CD8A: variants seen among roughly 807,000 people sequenced by gnomAD.
The protein encoded by CD8A is T-cell surface glycoprotein CD8 alpha chain.
Under a neutral mutation model 24.2 loss-of-function variants are expected in CD8A, and 25 were observed. The observed-to-expected ratio is 1.03, with a 90% CI of 0.75 to 1.44. CD8A has a LOEUF of 1.44. Ranked by LOEUF, CD8A falls within the 40% of genes most tolerant of loss-of-function variation. The pLI is 0.00. For synonymous variants in CD8A, 165 were observed against 149.9 expected (o/e 1.10, Z -0.74); for missense variants, 360 against 319.7 (o/e 1.13, Z -0.96).
upstream of CD8A, chr2:86,791,270 C>T: frequency 5.4e-6 from 2 of 370,914 alleles, no homozygotes; most frequent in South Asian, 4.2e-5. Context: ...GTCTCTTGTA[C>T]TGTCACCTTG....
upstream of CD8A, chr2:86,791,648 C>G (rs1009648135): frequency 1.8e-5 from 8 of 454,076 alleles, no homozygotes; most frequent in Non-Finnish European, 3.5e-5. Context: ...ACTGCTGCAG[C>G]CTCCCATGGC....
At position 86,790,575 on chromosome 2, in the gene CD8A, C is replaced by G; in HGVS notation, c.156G>C (p.Ser52=). 1 of 1,612,786 alleles carries G rather than the reference C, an allele frequency of 6.2e-7. No individual in the cohort carries two copies. The highest frequency in any genetic ancestry group is 8.5e-7 in the Non-Finnish European group (1 of 1,179,896). Residue 52 remains serine, a synonymous_variant, in exon 2 of 6, where the codon TCG becomes TCC. Coordinates refer to ENST00000283635, the MANE Select transcript of CD8A (RefSeq NM_001768.7). ...KCQVLLSNPT[S]GCSWLFQPRG... ...GCGGCTGGAAGAGCCACGAGCAGCC[C>G]GACGTCGGGTTGGACAGCAGCACCT...
chr2:86,790,578 C>G lies in CD8A; in HGVS notation c.153G>C (p.Thr51=). 1 of 1,612,604 alleles carries G rather than the reference C, an allele frequency of 6.2e-7. No homozygotes were observed. Among genetic ancestry groups the G allele is most frequent in the South Asian group, 1.1e-5 (1 of 91,058 alleles). The change falls in exon 2 of 6, where the codon ACG becomes ACC. Residue 51 remains threonine (T), a synonymous_variant. Transcript: ENST00000283635. ...GCTGGAAGAGCCACGAGCAGCCCGACGTCGGGTTGGACAGCAGCACCTGGC... is the reference window on the plus strand; with the variant it reads ...GCTGGAAGAGCCACGAGCAGCCCGAGGTCGGGTTGGACAGCAGCACCTGGC... The part of the protein sequence containing the change: ...LKCQVLLSNP[T]SGCSWLFQPR...
At chr2:86,790,728 C>T in intron 1 of CD8A, 47 bp from the exon 2 acceptor site, 1 of 1,517,868 alleles carries the variant, frequency 6.6e-7, no homozygotes, top group Non-Finnish European at 8.8e-7. Context: ...CCGCGCCCCC[C>T]GCCCCCCGCC....
chr2:86,785,813 G>T lies in CD8A; in HGVS notation c.*107C>A. 1 of 851,000 alleles carries T rather than the reference G, an allele frequency of 1.2e-6. No individual in the cohort carries two copies. Among genetic ancestry groups the T allele is most frequent in the Non-Finnish European group, 2.1e-6 (1 of 482,934 alleles). 52.7% of individuals were successfully genotyped at this position (851,000 alleles called of 1,614,324 possible). On this transcript the variant is annotated 3_prime_UTR_variant, in exon 6 of 6. Coordinates refer to ENST00000283635, the MANE Select transcript of CD8A (RefSeq NM_001768.7). ...CCGCCCCCACTAAAATAATAATCAT[G>T]AGAATGAATACACAGGGAGGAAGAC...
intron 5 of CD8A, among the ~76,000 whole-genome samples, chr2:86,787,898 A>AGAGTGTGTGTGTGTGT (rs369993109): frequency 2.6e-4 from 38 of 144,478 alleles, no homozygotes; most frequent in Non-Finnish European, 4.6e-4. Context: ...AGAGAGAGAG[A>AGAGTGTGTGTGTGTGT]GTGTGTGTGT....
At chr2:86,806,465 A>G (rs1405891978) in intron 2 of CD8A, among the ~76,000 whole-genome samples, 1 of 151,866 alleles carries the variant, frequency 6.6e-6, no homozygotes, top group Non-Finnish European at 1.5e-5. Context: ...GCCTGCAGCA[A>G]CTCCTCTTTC....
chr2:86,804,232 G>A (rs761659374), intron 2 of CD8A, among the ~76,000 whole-genome samples: 10 of 152,060 alleles, frequency 6.6e-5, no homozygotes, highest in Non-Finnish European at 1.3e-4. Context: ...TACATAGAGT[G>A]GAATATTATT....
In CD8A at chr2:86,800,437, G is replaced by A. The variant is rs563190892; in HGVS notation, c.-271+1074C>T. ...AGATCACACCACTGCACTCCAGCCT[G>A]GGCGACAGAAAAAAAAAAAAAGAAA... On this transcript the variant is annotated intron_variant, in intron 3 of 8. Coordinates refer to the CD8A transcript ENST00000409511. Among the ~76,000 whole-genome samples, 21 of 149,716 alleles carry A rather than the reference G, an allele frequency of 1.4e-4. No individual in the cohort carries two copies. In the East Asian group the frequency reaches 4.1e-3, roughly 29 times the overall value.
At chr2:86,797,156 G>A (rs116522484) in intron 3 of CD8A, among the ~76,000 whole-genome samples, 1,580 of 152,282 alleles carry the variant, frequency 0.01, 32 homozygotes, top group African/African-American at 0.035. Flanking sequence ...AAACAGAAGC[G>A]TTCTGAATGC....
chr2:86,790,552 G>A lies in CD8A; in HGVS notation c.179C>T (p.Pro60Leu), dbSNP rs769304073. The change falls in exon 2 of 6, where the codon CCG (proline) becomes CTG (leucine). Residue 60 changes from proline to leucine, a missense_variant. By Grantham distance (98) the Pro-to-Leu change is moderately conservative. Transcript: ENST00000283635. ...PTSGCSWLFQ[P>L]RGAAASPTFL... Reference sequence around the variant, plus strand: ...GGTGGGACTGGCGGCGGCGCCGCGCGGCTGGAAGAGCCACGAGCAGCCCGA... The same window carrying A: ...GGTGGGACTGGCGGCGGCGCCGCGCAGCTGGAAGAGCCACGAGCAGCCCGA... The A allele has an allele frequency of 1.2e-6, 2 of 1,613,332 alleles. No homozygotes were observed. Among genetic ancestry groups the A allele is most frequent in the South Asian group, 2.2e-5 (2 of 91,080 alleles).
At chr2:86,786,198 G>A (rs183635057) in intron 5 of CD8A, among the ~76,000 whole-genome samples, 39 of 152,356 alleles carry the variant, frequency 2.6e-4, no homozygotes, top group Admixed American at 3.9e-4. Context: ...TGGGCACTGA[G>A]ATTGAGAAGT....
upstream of CD8A, among the ~76,000 whole-genome samples, chr2:86,795,353 T>C (rs1160309939): frequency 1.3e-5 from 2 of 152,140 alleles, no homozygotes; most frequent in African/African-American, 2.4e-5. Context: ...GGTTTGAAGA[T>C]AAAGGAAGAA....
At position 86,785,126 on chromosome 2, in the gene CD8A, G is replaced by A. The variant is rs1206126289; in HGVS notation, c.*794C>T. The stretch of plus-strand genomic sequence containing the variant: ...AGGGGTAGCCTGTCCTCTTTCATGG[G>A]CCCCTCTGCAATGCAAGGGCTGGGA... On this transcript the variant is annotated 3_prime_UTR_variant, in exon 6 of 6. Transcript: ENST00000283635. 1 of 454,018 alleles carries A rather than the reference G, an allele frequency of 2.2e-6. No homozygotes were observed. The highest frequency in any genetic ancestry group is 6.9e-5 in the East Asian group (1 of 14,394). The allele number at this position is 454,018 out of a possible 1,614,324, so 28.1% of individuals were successfully genotyped here. A position where few individuals can be genotyped will look rare whatever the true frequency, so the allele number is the denominator to read the frequency against.
In CD8A at chr2:86,785,313, C is replaced by G. The variant is rs567710197; in HGVS notation, c.*607G>C. The stretch of plus-strand genomic sequence containing the variant: ...GTCTGATATTGTTTACATTATAGAA[C>G]TCTGCCAAAGGCAGTTCTCTTCTTT... On this transcript the variant is annotated 3_prime_UTR_variant, in exon 6 of 6. Transcript: ENST00000283635. 8.3e-4 allele frequency: 377 copies of G among 453,998 alleles called. 6 individuals are homozygous for G. The highest frequency in any genetic ancestry group is 4.9e-3 in the South Asian group (314 of 64,474). 28.1% of individuals were successfully genotyped at this position (453,998 alleles called of 1,614,324 possible).
chr2:86,790,059 G>A (rs773712789), intron 2 of CD8A, among the ~76,000 whole-genome samples: 4 of 152,236 alleles, frequency 2.6e-5, no homozygotes, highest in Non-Finnish European at 4.4e-5. Context: ...TTACCCACGA[G>A]CAAACGGAGG....
intron 5 of CD8A, among the ~76,000 whole-genome samples, chr2:86,786,231 T>C (rs920901660): frequency 3.2e-4 from 49 of 152,216 alleles, no homozygotes; most frequent in African/African-American, 1.1e-3. Flanking sequence ...AGGTCACACA[T>C]CTAGGAGGTG....
At chr2:86,805,290 A>G (rs1673810241) in intron 2 of CD8A, among the ~76,000 whole-genome samples, 1 of 152,208 alleles carries the variant, frequency 6.6e-6, no homozygotes, top group South Asian at 2.1e-4. Context: ...CATTCCCTAG[A>G]GTCCAAGTAC....
chr2:86,807,078 G>A (rs914995079), intron 2 of CD8A, among the ~76,000 whole-genome samples: 2 of 152,010 alleles, frequency 1.3e-5, no homozygotes, highest in South Asian at 2.1e-4. Context: ...AAAAAGAAGC[G>A]TTGAAGCTTC....
Sources: allele counts gnomAD v4.1 joint callset (sites outside exome capture counted in the v4.1 genomes callset), GRCh38; gene constraint gnomAD v4.1.1; transcripts MANE v1.5; gene names NCBI Gene and HGNC (gene_info 2026-07-23, HGNC 2026-07-21).